Variants in ACOT12 observed in about 807,000 individuals in gnomAD.
ACOT12 encodes the protein acyl-CoA thioesterase 12, also known as acetyl-coenzyme A thioesterase.
A neutral mutation model predicts 67.7 loss-of-function variants in ACOT12; 51 were observed. The observed-to-expected ratio is 0.75, with a 90% CI of 0.60 to 0.95. The LOEUF is 0.95. ACOT12 is among the 40% of genes least tolerant of loss of function. The probability of loss-of-function intolerance (pLI) is 0.00; values close to 1 mark genes in which losing one functional copy is unlikely to be tolerated. For missense variants in ACOT12, 734 were observed against 708.1 expected, an observed-to-expected ratio of 1.04 and a Z score of -0.41; for synonymous variants, 251 against 244.6, an observed-to-expected ratio of 1.03 and a Z score of -0.24.
At chr5:81,315,763 T>A in the ACOT12 span, among the ~76,000 whole-genome samples, 1 of 151,810 alleles carries the variant, frequency 6.6e-6, no homozygotes, top group Non-Finnish European at 1.5e-5. Flanking sequence ...CAGAAAGGAG[T>A]GTAGCTGAAG....
At chr5:81,312,814 G>A in the ACOT12 span, 21 of 549,982 alleles carry the variant, frequency 3.8e-5, no homozygotes, top group East Asian at 5.7e-4. Flanking sequence ...TCTTTATTCT[G>A]TCTATCAAAT....
At chr5:81,329,770 C>A (rs779376128), downstream of ACOT12, among the ~76,000 whole-genome samples, 1 of 152,150 alleles carries the variant, frequency 6.6e-6, no homozygotes, top group Non-Finnish European at 1.5e-5. Flanking sequence ...TTTACAGGTA[C>A]CTTGTGTGTC....
chr5:81,330,428 T>C lies in ACOT12; in HGVS notation c.1634A>G (p.Asn545Ser). The C allele has an allele frequency of 6.2e-7, 1 of 1,613,362 alleles. No individual in the cohort carries two copies. Among genetic ancestry groups the C allele is most frequent in the Non-Finnish European group, 8.5e-7 (1 of 1,179,726 alleles). Reference sequence around the variant, plus strand: ...GCTTACAAACCCATCATCAGGAGGATTCTCTAAGAACTGTATACAAGAGGC... The same window carrying C: ...GCTTACAAACCCATCATCAGGAGGACTCTCTAAGAACTGTATACAAGAGGC... ...TAASCIQFLE[N>S]PPDDGFVSTF The change falls in exon 15 of 15, where the codon AAT becomes AGT. Residue 545 changes from asparagine to serine, a missense_variant. Coordinates refer to ENST00000307624, the MANE Select transcript of ACOT12 (RefSeq NM_130767.3).
intron 2 of ACOT12, 25 bp from the exon 3 acceptor site, chr5:81,371,835 C>A (rs367862471): frequency 6.2e-7 from 1 of 1,605,666 alleles, no homozygotes; most frequent in Admixed American, 1.7e-5. Flanking sequence ...ACAAAAAAAC[C>A]TCAGTAGTTT....
the ACOT12 span, chr5:81,312,424 G>T: frequency 1.4e-6 from 1 of 726,492 alleles, no homozygotes; most frequent in Non-Finnish European, 2.3e-6. Flanking sequence ...TAGTGATGGA[G>T]TCTTCCCTCC....
At chr5:81,368,987 G>T (rs1760163239) in intron 3 of ACOT12, among the ~76,000 whole-genome samples, 1 of 152,120 alleles carries the variant, frequency 6.6e-6, no homozygotes, top group South Asian at 2.1e-4. Context: ...TTGCAAAGGG[G>T]CATAAAGGGG....
intron 1 of ACOT12, 69 bp downstream of exon 1, chr5:81,393,919 C>T: frequency 3.2e-6 from 4 of 1,264,148 alleles, no homozygotes; most frequent in Middle Eastern, 3.1e-4. Context: ...CTACCCCCCC[C>T]AGCCCCCAGC....
intron 2 of ACOT12, among the ~76,000 whole-genome samples, chr5:81,372,402 A>G (rs62366200): frequency 0.11 from 16,164 of 152,218 alleles, 910 homozygotes; most frequent in Middle Eastern, 0.16. Flanking sequence ...AGGTAACCCA[A>G]TAGAAGCCCC....
chr5:81,363,768 T>G lies in ACOT12; in HGVS notation c.360+20A>C. 6.3e-7 allele frequency: 1 copy of G among 1,583,308 alleles called. No homozygotes were observed. Among genetic ancestry groups the G allele is most frequent in the Middle Eastern group, 1.7e-4 (1 of 5,936 alleles). On this transcript the variant is annotated intron_variant, in intron 4 of 14. Coordinates refer to ENST00000307624, the MANE Select transcript of ACOT12 (RefSeq NM_130767.3). ...GTCCCTGAATTACATGCTAGATACA[T>G]CTTCACATACAAAATTTACCTTTTC...
chr5:81,345,849 T>G (rs1561328807), intron 7 of ACOT12, 36 bp downstream of exon 7: 3 of 1,611,402 alleles, frequency 1.9e-6, no homozygotes, highest in Non-Finnish European at 2.5e-6. Flanking sequence ...TGTGCAAGTT[T>G]AAATTTCTTC....
At chr5:81,351,340 C>T (rs1759547968) in intron 5 of ACOT12, among the ~76,000 whole-genome samples, 1 of 152,190 alleles carries the variant, frequency 6.6e-6, no homozygotes, top group Non-Finnish European at 1.5e-5. Flanking sequence ...ATACAATTAT[C>T]TGACTTCAAA....
At chr5:81,317,654 G>T in the ACOT12 span, among the ~76,000 whole-genome samples, 1 of 152,268 alleles carries the variant, frequency 6.6e-6, no homozygotes, top group Non-Finnish European at 1.5e-5. Flanking sequence ...GAGATAGAGT[G>T]AAGGGGGAGG....
chr5:81,393,564 A>T (rs1760918148), intron 1 of ACOT12, among the ~76,000 whole-genome samples: 1 of 151,930 alleles, frequency 6.6e-6, no homozygotes, highest in Non-Finnish European at 1.5e-5. Context: ...CAAAACTCCC[A>T]AAGTCAGCTG....
chr5:81,360,049 A>C lies in ACOT12; in HGVS notation c.361-11T>G. 1 of 1,591,658 alleles carries C rather than the reference A, an allele frequency of 6.3e-7. No individual in the cohort carries two copies. The highest frequency in any genetic ancestry group is 8.5e-7 in the Non-Finnish European group (1 of 1,174,566). ...TGGTTTTAAATGAATCTAGAGAAAG[A>C]AAAGCATTTATCTTTTATTGCCTTG... On this transcript the variant is annotated splice_polypyrimidine_tract_variant and intron_variant, in intron 4 of 14. Coordinates refer to ENST00000307624, the MANE Select transcript of ACOT12 (RefSeq NM_130767.3).
intron 6 of ACOT12, among the ~76,000 whole-genome samples, chr5:81,347,111 A>G (rs1391383558): frequency 6.6e-6 from 1 of 152,198 alleles, no homozygotes; most frequent in Non-Finnish European, 1.5e-5. Context: ...TTGTCTTTAA[A>G]AAGGTTTGTA....
At chr5:81,347,993 T>A in intron 5 of ACOT12, 63 bp from the exon 6 acceptor site, 1 of 1,537,240 alleles carries the variant, frequency 6.5e-7, no homozygotes, top group South Asian at 1.2e-5. Context: ...GGCTCCAGCT[T>A]TTCCTTCCCG....
chr5:81,384,107 C>T (rs115307134), intron 2 of ACOT12, among the ~76,000 whole-genome samples: 3,488 of 146,988 alleles, frequency 0.024, 151 homozygotes, highest in African/African-American at 0.082. Flanking sequence ...AAGTGCCCTA[C>T]ATAGGTGTAC....
intron 6 of ACOT12, among the ~76,000 whole-genome samples, chr5:81,346,787 ATAGT>A (rs1759394614): frequency 6.8e-6 from 1 of 146,018 alleles, no homozygotes; most frequent in African/African-American, 2.8e-5. Flanking sequence ...GTTTGTAACT[ATAGT>A]CATAACTATA....
chr5:81,379,837 C>A (rs931550154), intron 2 of ACOT12, among the ~76,000 whole-genome samples: 1 of 152,108 alleles, frequency 6.6e-6, no homozygotes, highest in South Asian at 2.1e-4. Flanking sequence ...TGGGGTCAAG[C>A]GATCTTCCTG....
Sources: allele counts gnomAD v4.1 joint callset (sites outside exome capture counted in the v4.1 genomes callset), GRCh38; gene constraint gnomAD v4.1.1; transcripts MANE v1.5; gene names NCBI Gene and HGNC (gene_info 2026-07-23, HGNC 2026-07-21).